The following TBXAS1 variants were observed in gnomAD, a reference collection of about 807,000 sequenced individuals.
TBXAS1 encodes thromboxane A synthase 1.
A neutral mutation model predicts 60.7 loss-of-function variants in TBXAS1; 48 were observed. The ratio of observed to expected loss-of-function variants is 0.79; its 90% CI spans 0.63 to 1.01. TBXAS1 has a LOEUF of 1.01. Among genes scored for constraint, TBXAS1 ranks in the 50% least tolerant of loss-of-function variants. The pLI is 0.00. For missense variants in TBXAS1, 685 were observed against 686.3 expected, an observed-to-expected ratio of 1.00 and a Z score of 0.02; for synonymous variants, 287 against 269.7, an observed-to-expected ratio of 1.06 and a Z score of -0.63.
intron 1 of TBXAS1, among the ~76,000 whole-genome samples, chr7:139,838,344 T>A (rs896200327): frequency 1.3e-5 from 2 of 152,202 alleles, no homozygotes; most frequent in Non-Finnish European, 2.9e-5. Context: ...GCCTGGCACA[T>A]AGTTGGTGCC....
At chr7:139,794,526 T>TA (rs1797492458) in intron 4 of TBXAS1, among the ~76,000 whole-genome samples, 1 of 151,908 alleles carries the variant, frequency 6.6e-6, no homozygotes, top group Non-Finnish European at 1.5e-5. Flanking sequence ...TTTTTTTTTT[T>TA]ATTATACTTT....
chr7:139,786,660 T>C (rs1004693258), intron 3 of TBXAS1, among the ~76,000 whole-genome samples: 1 of 152,216 alleles, frequency 6.6e-6, no homozygotes, highest in African/African-American at 2.4e-5. Flanking sequence ...TGTAGAACTC[T>C]GATTTTATTT....
chr7:139,880,019 G>A (rs1802576379), intron 3 of TBXAS1, among the ~76,000 whole-genome samples: 1 of 152,096 alleles, frequency 6.6e-6, no homozygotes, highest in Non-Finnish European at 1.5e-5. Flanking sequence ...AAGTTGCTGG[G>A]AATACAGGCA....
chr7:139,957,786 CAGCCTTGAAAT>C (rs745562439), intron 8 of TBXAS1, 22 bp downstream of exon 8: 1 of 1,613,876 alleles, frequency 6.2e-7, no homozygotes, highest in Non-Finnish European at 8.5e-7. Flanking sequence ...TAATAGGACA[CAGCCTTGAAAT>C]GGAATGGAGC....
intron 7 of TBXAS1, among the ~76,000 whole-genome samples, chr7:139,957,409 G>C (rs970499816): frequency 6.6e-6 from 1 of 152,126 alleles, no homozygotes; most frequent in African/African-American, 2.4e-5. Context: ...TCGATTAATT[G>C]CACAGATGTT....
chr7:139,780,177 ATAG>A (rs1796938059), intron 1 of TBXAS1, among the ~76,000 whole-genome samples: 1 of 152,214 alleles, frequency 6.6e-6, no homozygotes. Flanking sequence ...AATCTCTATC[ATAG>A]CCTTCACCAC....
intron 9 of TBXAS1, among the ~76,000 whole-genome samples, chr7:139,972,132 T>C (rs1811247279): frequency 6.6e-6 from 1 of 152,140 alleles, no homozygotes; most frequent in Non-Finnish European, 1.5e-5. Flanking sequence ...TTTTTAGCAA[T>C]TAATGCCCCA....
At chr7:139,877,798 C>T (rs191331301) in intron 3 of TBXAS1, among the ~76,000 whole-genome samples, 54 of 145,992 alleles carry the variant, frequency 3.7e-4, no homozygotes, top group African/African-American at 1.3e-3. Flanking sequence ...GGCGCGATCT[C>T]GGCTCACCAG....
intron 10 of TBXAS1, among the ~76,000 whole-genome samples, chr7:140,009,942 G>A (rs546740581): frequency 2.6e-3 from 8 of 3,106 alleles, no homozygotes; most frequent in African/African-American, 9.6e-3. Flanking sequence ...CACCTGCCCC[G>A]CACCTGCCCC....
intron 3 of TBXAS1, among the ~76,000 whole-genome samples, chr7:139,888,205 C>G (rs1382685990): frequency 6.6e-6 from 1 of 152,202 alleles, no homozygotes; most frequent in East Asian, 1.9e-4. Flanking sequence ...AGCTCCTTCT[C>G]CTCTTATCTC....
chr7:139,930,420 G>A (rs1395694002), intron 4 of TBXAS1, among the ~76,000 whole-genome samples: 3 of 152,060 alleles, frequency 2.0e-5, no homozygotes, highest in African/African-American at 7.3e-5. Flanking sequence ...TATCCTAAGA[G>A]GTCGGTAGCG....
intron 5 of TBXAS1, among the ~76,000 whole-genome samples, chr7:139,938,793 A>G (rs1808020943): frequency 6.6e-6 from 1 of 152,230 alleles, no homozygotes; most frequent in South Asian, 2.1e-4. Context: ...GGTAAAGAGT[A>G]TCTGAGAAAA....
intron 3 of TBXAS1, among the ~76,000 whole-genome samples, chr7:139,894,567 A>G (rs1238961738): frequency 6.6e-6 from 1 of 152,228 alleles, no homozygotes; most frequent in African/African-American, 2.4e-5. Context: ...TCTAGCAGAT[A>G]TAGAGACAGT....
intron 12 of TBXAS1, 137 bp from the exon 13 acceptor site, chr7:140,019,888 G>A: frequency 1.2e-6 from 1 of 802,236 alleles, no homozygotes; most frequent in South Asian, 1.5e-5. Flanking sequence ...TGAAAGATAG[G>A]TTTGGGGCTT....
chr7:139,914,746 G>A (rs998103509), intron 4 of TBXAS1, among the ~76,000 whole-genome samples: 13 of 152,210 alleles, frequency 8.5e-5, no homozygotes, highest in Middle Eastern at 3.4e-3. Flanking sequence ...TGTGTCACTC[G>A]TTGTCACAGT....
chr7:139,909,442 T>A (rs991759084), intron 3 of TBXAS1, among the ~76,000 whole-genome samples: 3 of 152,196 alleles, frequency 2.0e-5, no homozygotes, highest in African/African-American at 7.2e-5. Flanking sequence ...CCTTATTGAG[T>A]TGTTTTTTGT....
intron 1 of TBXAS1, among the ~76,000 whole-genome samples, chr7:139,865,686 G>A (rs1429913901): frequency 3.2e-5 from 4 of 125,672 alleles, no homozygotes; most frequent in Non-Finnish European, 5.2e-5. Flanking sequence ...AGGAAGAGGA[G>A]GAGGAGGAAG....
chr7:139,833,340 G>C (rs1196190115), intron 1 of TBXAS1, among the ~76,000 whole-genome samples: 1 of 152,082 alleles, frequency 6.6e-6, no homozygotes, highest in African/African-American at 2.4e-5. Context: ...AGCAACGGTA[G>C]CTATTCTCAT....
At chr7:139,924,647 G>GT (rs551128584) in intron 4 of TBXAS1, among the ~76,000 whole-genome samples, 3 of 152,114 alleles carry the variant, frequency 2.0e-5, no homozygotes, top group Non-Finnish European at 2.9e-5. Context: ...CTGTGCAGAA[G>GT]TTTTTTAACT....
Sources: allele counts gnomAD v4.1 joint callset (sites outside exome capture counted in the v4.1 genomes callset), GRCh38; gene constraint gnomAD v4.1.1; transcripts MANE v1.5; gene names NCBI Gene and HGNC (gene_info 2026-07-23, HGNC 2026-07-21).